Variants in FBRSL1 observed in about 807,000 individuals in gnomAD.
FBRSL1 encodes fibrosin-1-like protein.
Under a neutral mutation model 89.6 loss-of-function variants are expected in FBRSL1, and 51 were observed. That is an observed-to-expected ratio of 0.57 (90% CI 0.45 to 0.72). The LOEUF is 0.72. FBRSL1 is among the 30% of genes least tolerant of loss of function. The pLI is 0.00. For synonymous variants in FBRSL1, 779 were observed against 681.1 expected, an observed-to-expected ratio of 1.14 and a Z score of -2.24; for missense variants, 1,618 against 1,451.8, an observed-to-expected ratio of 1.11 and a Z score of -1.86.
chr12:132,513,645 C>T (rs553421508), intron 2 of FBRSL1, among the ~76,000 whole-genome samples: 3 of 152,278 alleles, frequency 2.0e-5, no homozygotes, highest in South Asian at 4.1e-4. Context: ...AGGGCGTGAG[C>T]CTTCTGGGAG....
chr12:132,510,114 C>T, intron 2 of FBRSL1: 1 of 1,225,688 alleles, frequency 8.2e-7, no homozygotes, highest in South Asian at 4.1e-5. Flanking sequence ...CCCGGAGCAG[C>T]CCTGCCCACC....
intron 5 of FBRSL1, among the ~76,000 whole-genome samples, chr12:132,549,360 G>A (rs1171509729): frequency 5.3e-5 from 8 of 152,276 alleles, no homozygotes; most frequent in East Asian, 3.9e-4. Context: ...GGCCTCACCC[G>A]GGACCCCGCG....
At chr12:132,582,800 A>G (rs916169683) in intron 18 of FBRSL1, among the ~76,000 whole-genome samples, 171 bp from the exon 19 acceptor site, 1 of 151,658 alleles carries the variant, frequency 6.6e-6, no homozygotes, top group Non-Finnish European at 1.5e-5. Flanking sequence ...CCCAGCGGGG[A>G]GAGGACGCGT....
chr12:132,528,008 T>C lies in FBRSL1; in HGVS notation c.615+20T>C, dbSNP rs1593352863. On this transcript the variant is annotated intron_variant, in intron 4 of 18. Coordinates refer to ENST00000680143, the MANE Select transcript of FBRSL1 (RefSeq NM_001367871.1). ...TACTCTGTAAGTCTCCCAGCACCCC[T>C]CCTCCATCTTTGTCCCCCTGGGGCC... 1.9e-6 allele frequency: 3 copies of C among 1,550,504 alleles called. No individual in the cohort carries two copies. The South Asian group carries it at 3.6e-5, about 18-fold the overall frequency.
At chr12:132,564,267 A>G (rs12826964) in intron 5 of FBRSL1, among the ~76,000 whole-genome samples, 89,700 of 152,040 alleles carry the variant, frequency 0.59, 27,313 homozygotes, top group East Asian at 0.86. Flanking sequence ...TGCCCTGAAC[A>G]GCAGCCCAGC....
At chr12:132,507,060 C>T (rs903765995) in intron 1 of FBRSL1, 15 of 338,200 alleles carry the variant, frequency 4.4e-5, no homozygotes, top group Non-Finnish European at 1.3e-5. Context: ...TCTCTGTCGT[C>T]TGCCCTTACC....
chr12:132,538,948 AGTG>A (rs991432905), intron 4 of FBRSL1, among the ~76,000 whole-genome samples: 2 of 152,008 alleles, frequency 1.3e-5, no homozygotes, highest in African/African-American at 4.8e-5. Context: ...GGAGGGTGAG[AGTG>A]GCCTCCAGGG....
rs2040980892 is a variant in FBRSL1 at position 132,584,035 on chromosome 12, T to A, written c.*257T>A. 4.8e-6 allele frequency: 1 copy of A among 206,252 alleles called. No individual in the cohort carries two copies. Among genetic ancestry groups the A allele is most frequent in the South Asian group, 1.9e-4 (1 of 5,312 alleles). 12.8% of individuals were successfully genotyped at this position (206,252 alleles called of 1,614,324 possible). A position where few individuals can be genotyped will look rare whatever the true frequency, so the allele number is the denominator to read the frequency against. ...CAGATGAGAAGTGTTTGTAATGGAT[T>A]TGTATTTTTCTTAATTTTATGCTCT... is the stretch of plus-strand genomic sequence containing the variant. On this transcript the variant is annotated 3_prime_UTR_variant, in exon 19 of 19. Coordinates refer to ENST00000680143, the MANE Select transcript of FBRSL1 (RefSeq NM_001367871.1).
chr12:132,548,131 C>A, intron 5 of FBRSL1, 99 bp downstream of exon 5: 1 of 1,436,612 alleles, frequency 7.0e-7, no homozygotes, highest in Non-Finnish European at 9.5e-7. Flanking sequence ...GGCAGAAGAT[C>A]GGGCCTTGGG....
chr12:132,518,715 C>G (rs2035077202), intron 2 of FBRSL1, among the ~76,000 whole-genome samples: 1 of 151,210 alleles, frequency 6.6e-6, no homozygotes, highest in South Asian at 2.1e-4. Context: ...TCCATCCACT[C>G]AGGCATCCAT....
In FBRSL1 at chr12:132,494,317, CT is replaced by C. The variant is rs112080564; in HGVS notation, c.291+3457del. Among the ~76,000 whole-genome samples, 563 of 152,334 alleles carry C rather than the reference CT, an allele frequency of 3.7e-3. 6 individuals carry two copies. Among genetic ancestry groups the C allele is most frequent in the African/African-American group, 0.013 (522 of 41,568 alleles). On this transcript the variant is annotated intron_variant, in intron 1 of 18. Transcript: ENST00000680143. Reference sequence around the variant, plus strand: ...CCTGGTCAGTGCTGCTGTTCTCTGCCTGGGGTCCTCCCAAGAAGACTGGGGT... The same window carrying C: ...CCTGGTCAGTGCTGCTGTTCTCTGCCGGGGTCCTCCCAAGAAGACTGGGGT...
intron 2 of FBRSL1, among the ~76,000 whole-genome samples, chr12:132,514,054 C>T (rs2034609563): frequency 6.6e-6 from 1 of 152,238 alleles, no homozygotes; most frequent in Non-Finnish European, 1.5e-5. Context: ...ACACCACCTC[C>T]TGGGCCTTCC....
Position 132,583,437 on chromosome 12 carries a change from C to T in FBRSL1, c.2668C>T (p.Pro890Ser), listed in dbSNP as rs762230279. 35 of 1,072,416 alleles carry T rather than the reference C, an allele frequency of 3.3e-5. No homozygotes were observed. The South Asian group carries it at 8.5e-4, about 26-fold the overall frequency. 66.4% of individuals were successfully genotyped at this position (1,072,416 alleles called of 1,614,324 possible). ...GGAGCGCCCCTACCGCGACCGCGAGCCCCACGGCTACAGCCCCGAGCGCCT... is the reference window on the plus strand; with the variant it reads ...GGAGCGCCCCTACCGCGACCGCGAGTCCCACGGCTACAGCCCCGAGCGCCT... ...PPERPYRDREPHGYSPERLRG... is the reference protein window; with the variant it reads ...PPERPYRDRESHGYSPERLRG... Residue 890 changes from proline to serine, a missense_variant, in exon 19 of 19, where the codon CCC becomes TCC. Physicochemically the swap from Pro to Ser is moderately conservative, Grantham distance 74. Transcript: ENST00000680143.
rs1256247429 is a variant in FBRSL1 at position 132,523,380 on chromosome 12, C to T, written c.490-2354C>T. Among the ~76,000 whole-genome samples the T allele has an allele frequency of 4.6e-5, 7 of 152,296 alleles. No homozygotes were observed. In the South Asian group the frequency reaches 1.0e-3, roughly 23 times the overall value. The stretch of plus-strand genomic sequence containing the variant: ...AGGGGAAGAGACCCCACCCCACGAC[C>T]GGCCTGGCCACCTTTCAGGGCCTCC... On this transcript the variant is annotated intron_variant, in intron 2 of 18. Coordinates refer to ENST00000680143, the MANE Select transcript of FBRSL1 (RefSeq NM_001367871.1).
chr12:132,549,195 G>A (rs191340828), intron 5 of FBRSL1, among the ~76,000 whole-genome samples: 5 of 152,210 alleles, frequency 3.3e-5, no homozygotes, highest in South Asian at 2.1e-4. Context: ...GGCAGGCGCC[G>A]TGTGGGCCGC....
intron 15 of FBRSL1, chr12:132,581,111 G>A (rs1357731002): frequency 1.2e-5 from 12 of 985,350 alleles, no homozygotes; most frequent in African/African-American, 1.7e-5. Flanking sequence ...GGAGTGGTCC[G>A]ATCAAGGTGC....
intron 1 of FBRSL1, among the ~76,000 whole-genome samples, chr12:132,496,172 G>T (rs957645425): frequency 6.6e-6 from 1 of 152,248 alleles, no homozygotes; most frequent in African/African-American, 2.4e-5. Flanking sequence ...CGGGGTCCCT[G>T]TGAGTCACCG....
At chr12:132,561,879 G>A (rs1476186412) in intron 5 of FBRSL1, among the ~76,000 whole-genome samples, 1 of 152,212 alleles carries the variant, frequency 6.6e-6, no homozygotes, top group African/African-American at 2.4e-5. Context: ...AGCAGCACTG[G>A]ATCCCCATCC....
Position 132,524,662 on chromosome 12 carries a change from T to C in FBRSL1, c.490-1072T>C, listed in dbSNP as rs142116334. Among the ~76,000 whole-genome samples, 4 of 152,278 alleles carry C rather than the reference T, an allele frequency of 2.6e-5. No homozygotes were observed. In the East Asian group the frequency reaches 5.8e-4, roughly 22 times the overall value. ...GCGAGGCCTGGGGGCCCAGATGTGC[T>C]GGGGCGTGTCACTACAAGGTGCAGA... is the stretch of plus-strand genomic sequence containing the variant. On this transcript the variant is annotated intron_variant, in intron 2 of 18. Coordinates refer to ENST00000680143, the MANE Select transcript of FBRSL1 (RefSeq NM_001367871.1).
Sources: gnomAD v4.1 joint callset for allele counts (sites outside exome capture counted in the v4.1 genomes callset) on GRCh38, gnomAD v4.1.1 for gene constraint, MANE v1.5 for transcripts, NCBI Gene and HGNC (gene_info 2026-07-23, HGNC 2026-07-21) for gene names.